SLC17A6: variants seen among roughly 807,000 people sequenced by gnomAD.
SLC17A6 encodes solute carrier family 17 member 6.
SLC17A6 carries 35 observed loss-of-function variants against 67.1 expected under a neutral mutation model. That is an observed-to-expected ratio of 0.52 (90% CI 0.40 to 0.69). The LOEUF (loss-of-function observed/expected upper bound fraction) is 0.69. SLC17A6 is among the 30% of genes least tolerant of loss of function. The pLI, the probability that SLC17A6 is intolerant of heterozygous loss-of-function variation, is 0.00. For missense variants in SLC17A6, 588 were observed against 723.9 expected (o/e 0.81, Z 2.15); for synonymous variants, 285 against 252.3 (o/e 1.13, Z -1.23).
chr11:22,365,781 A>G (rs1856105328), intron 7 of SLC17A6, 92 bp downstream of exon 7: 1 of 1,359,548 alleles, frequency 7.4e-7, no homozygotes, highest in Admixed American at 2.4e-5. Flanking sequence ...TCCTCAGCAA[A>G]ACTAATTTGG....
chr11:22,365,623 A>G lies in SLC17A6; in HGVS notation c.825A>G (p.Thr275=). The G allele has an allele frequency of 6.2e-7, 1 of 1,613,982 alleles. No homozygotes were observed. The highest frequency in any genetic ancestry group is 8.5e-7 in the Non-Finnish European group (1 of 1,179,874). The change falls in exon 7 of 12, where the codon ACA becomes ACG. Residue 275 remains threonine (T), a synonymous_variant. Coordinates refer to ENST00000263160, the MANE Select transcript of SLC17A6 (RefSeq NM_020346.3). ...YESPAKHPTI[T]DEERRYIEES... ...GTCCTGCAAAGCATCCTACTATTAC[A>G]GATGAAGAACGTAGGTACATAGAAG...
chr11:22,338,461 A>G lies in SLC17A6; in HGVS notation c.-73A>G, dbSNP rs565703359. 390 of 1,095,316 alleles carry G rather than the reference A, an allele frequency of 3.6e-4. 1 individual carries two copies. The highest frequency in any genetic ancestry group is 4.8e-4 in the Non-Finnish European group (345 of 718,870). 67.8% of individuals were successfully genotyped at this position (1,095,316 alleles called of 1,614,324 possible). On this transcript the variant is annotated 5_prime_UTR_variant, in exon 1 of 12. Coordinates refer to ENST00000263160, the MANE Select transcript of SLC17A6 (RefSeq NM_020346.3). ...GCAACTACTTTAAGAGATTAAGACA[A>G]TATGCGCAATCCTCGCCTTTCCTAG...
chr11:22,376,007 C>G lies in SLC17A6; in HGVS notation c.1200C>G (p.Leu400=). 4.4e-6 allele frequency: 7 copies of G among 1,609,136 alleles called. No homozygotes were observed. The highest frequency in any genetic ancestry group is 5.9e-6 in the Non-Finnish European group (7 of 1,177,146). The change falls in exon 10 of 12, where the codon CTC becomes CTG. Residue 400 remains leucine, a synonymous_variant. Transcript: ENST00000263160. Reference sequence around the variant, plus strand: ...GTTTTGGCATGGAAGCCACACTGCTCCTGGTCGTTGGCTATTCTCATACTA... The same window carrying G: ...GTTTTGGCATGGAAGCCACACTGCTGCTGGTCGTTGGCTATTCTCATACTA... ...CGGFGMEATL[L]LVVGYSHTRG...
At chr11:22,354,906 T>C (rs1855980532) in intron 3 of SLC17A6, among the ~76,000 whole-genome samples, 1 of 152,220 alleles carries the variant, frequency 6.6e-6, no homozygotes, top group Non-Finnish European at 1.5e-5. Flanking sequence ...AACTACTGTC[T>C]CTACCTGACT....
intron 11 of SLC17A6, among the ~76,000 whole-genome samples, chr11:22,377,165 ATC>A (rs1856240717): frequency 6.6e-6 from 1 of 152,246 alleles, no homozygotes; most frequent in Non-Finnish European, 1.5e-5. Context: ...TATTTTAAAA[ATC>A]AGCAGGCCAT....
intron 1 of SLC17A6, among the ~76,000 whole-genome samples, 193 bp downstream of exon 1, chr11:22,338,812 G>GGT (rs3047441): frequency 0.17 from 22,857 of 136,144 alleles, 1,839 homozygotes; most frequent in African/African-American, 0.18. Flanking sequence ...GAACCTGTCT[G>GGT]GTGTGTGTGT....
At chr11:22,340,327 T>G (rs1391611076) in intron 1 of SLC17A6, among the ~76,000 whole-genome samples, 1 of 152,242 alleles carries the variant, frequency 6.6e-6, no homozygotes, top group Admixed American at 6.5e-5. Context: ...AGATGTTACC[T>G]TATACATTCC....
At chr11:22,358,516 G>C (rs951851477) in intron 3 of SLC17A6, among the ~76,000 whole-genome samples, 7 of 152,178 alleles carry the variant, frequency 4.6e-5, no homozygotes, top group African/African-American at 1.7e-4. Flanking sequence ...TTGTGTAGTA[G>C]AGATGGGGTT....
chr11:22,361,172 T>G (rs1856048020), intron 5 of SLC17A6, 188 bp downstream of exon 5: 1 of 502,954 alleles, frequency 2.0e-6, no homozygotes, highest in African/African-American at 1.9e-5. Flanking sequence ...CTTCTATTTA[T>G]TCTTGTGTTT....
chr11:22,363,108 A>G (rs975586671), intron 6 of SLC17A6, among the ~76,000 whole-genome samples: 1 of 152,134 alleles, frequency 6.6e-6, no homozygotes, highest in East Asian at 1.9e-4. Context: ...ATATTAAATT[A>G]GCTCTTGATT....
intron 3 of SLC17A6, among the ~76,000 whole-genome samples, chr11:22,343,759 C>A (rs981702398): frequency 1.3e-5 from 2 of 152,134 alleles, no homozygotes; most frequent in African/African-American, 2.4e-5. Flanking sequence ...TCCCCGCAGG[C>A]TCCCAGGCTC....
chr11:22,340,926 C>A (rs1038142057), intron 1 of SLC17A6, among the ~76,000 whole-genome samples: 2 of 152,166 alleles, frequency 1.3e-5, no homozygotes, highest in East Asian at 1.9e-4. Context: ...AGGGGGTGCT[C>A]CAGGCTCAGC....
chr11:22,339,421 C>T (rs561354568), intron 1 of SLC17A6, among the ~76,000 whole-genome samples: 18 of 151,554 alleles, frequency 1.2e-4, no homozygotes, highest in Non-Finnish European at 2.5e-4. Flanking sequence ...ATGTCAATGC[C>T]TGGAAGAACA....
In SLC17A6 at chr11:22,339,117, TTA is replaced by T. The variant is rs1365381151; in HGVS notation, c.86+508_86+509del. Among the ~76,000 whole-genome samples, 252 of 68,822 alleles carry T rather than the reference TTA, an allele frequency of 3.7e-3. 8 individuals are homozygous for T. Among genetic ancestry groups the T allele is most frequent in the African/African-American group, 0.012 (170 of 14,494 alleles). The allele number at this position is 68,822 out of a possible 152,430, so 45.1% of individuals were successfully genotyped here. A position where few individuals can be genotyped will look rare whatever the true frequency, so the allele number is the denominator to read the frequency against. ...TATATATATATGTTATATATATATG[TTA>T]TATATATATGTTATATATATATGTT... On this transcript the variant is annotated intron_variant, in intron 1 of 11. Coordinates refer to ENST00000263160, the MANE Select transcript of SLC17A6 (RefSeq NM_020346.3).
intron 3 of SLC17A6, among the ~76,000 whole-genome samples, chr11:22,347,488 T>C (rs1017738892): frequency 5.8e-5 from 7 of 119,732 alleles, no homozygotes; most frequent in African/African-American, 1.4e-4. Flanking sequence ...TTAGTATTAA[T>C]GAAATCTTAA....
intron 1 of SLC17A6, among the ~76,000 whole-genome samples, chr11:22,340,752 C>G (rs1411620046): frequency 6.6e-6 from 1 of 151,308 alleles, no homozygotes; most frequent in Admixed American, 6.6e-5. Context: ...GTCTCCAACT[C>G]GAGTAATAAG....
intron 6 of SLC17A6, among the ~76,000 whole-genome samples, chr11:22,364,450 G>A (rs1421351997): frequency 1.3e-5 from 2 of 152,124 alleles, no homozygotes; most frequent in African/African-American, 4.8e-5. Flanking sequence ...TTCAGTTACT[G>A]ATTGGATCAT....
chr11:22,344,651 C>T (rs1257418448), intron 3 of SLC17A6, among the ~76,000 whole-genome samples: 1 of 151,916 alleles, frequency 6.6e-6, no homozygotes, highest in Non-Finnish European at 1.5e-5. Flanking sequence ...ACAAACAGTC[C>T]CTTTAAAAAA....
intron 8 of SLC17A6, 146 bp from the exon 9 acceptor site, chr11:22,374,609 A>T (rs1221417299): frequency 1.6e-6 from 1 of 630,386 alleles, no homozygotes; most frequent in Non-Finnish European, 2.5e-6. Context: ...TACTTTTTCT[A>T]GGAATGAGTA....
Sources: allele counts gnomAD v4.1 joint callset (sites outside exome capture counted in the v4.1 genomes callset), GRCh38; gene constraint gnomAD v4.1.1; transcripts MANE v1.5; gene names NCBI Gene and HGNC (gene_info 2026-07-23, HGNC 2026-07-21).